The following XPR1 variants were observed in gnomAD, a reference collection of about 807,000 sequenced individuals.
XPR1 encodes xenotropic and polytropic retrovirus receptor 1.
XPR1 carries 28 observed loss-of-function variants against 87.5 expected under a neutral mutation model. The observed-to-expected ratio is 0.32, with a 90% confidence interval of 0.24 to 0.44. The LOEUF (loss-of-function observed/expected upper bound fraction) is 0.44, where lower values mean the gene tolerates loss of function less well. XPR1 is among the 20% of genes least tolerant of loss of function. The probability of loss-of-function intolerance (pLI) is 1.00; values close to 1 mark genes in which losing one functional copy is unlikely to be tolerated. For missense variants in XPR1, 559 were observed against 862.3 expected, an observed-to-expected ratio of 0.65 and a Z score of 4.41; for synonymous variants, 300 against 306.1, an observed-to-expected ratio of 0.98 and a Z score of 0.21.
rs958428231 is a variant in XPR1, at chr1:180,632,098, G to A, written c.-104G>A. ...GGCGGCGGAGGAGGAGAGAAGCGCAGCGCCGCGCCGCGCCGGGGCCCATGT... is the reference window on the plus strand; with the variant it reads ...GGCGGCGGAGGAGGAGAGAAGCGCAACGCCGCGCCGCGCCGGGGCCCATGT... On this transcript the variant is annotated 5_prime_UTR_variant, in exon 1 of 15. Transcript: ENST00000367590. 12 of 1,392,808 alleles carry A rather than the reference G, an allele frequency of 8.6e-6. No homozygotes were observed. Among genetic ancestry groups the A allele is most frequent in the African/African-American group, 5.7e-5 (4 of 69,962 alleles). 86.3% of individuals were successfully genotyped at this position (1,392,808 alleles called of 1,614,324 possible).
chr1:180,815,249 G>A (rs1388562757), intron 7 of XPR1, among the ~76,000 whole-genome samples: 1 of 151,294 alleles, frequency 6.6e-6, no homozygotes, highest in Non-Finnish European at 1.5e-5. Flanking sequence ...CAATTTGAGG[G>A]TTTTTTTGTT....
At chr1:180,804,141 A>G (rs1257444212) in intron 4 of XPR1, among the ~76,000 whole-genome samples, 1 of 151,970 alleles carries the variant, frequency 6.6e-6, no homozygotes, top group Non-Finnish European at 1.5e-5. Flanking sequence ...GCACGCCACC[A>G]TCCCCAGCTA....
intron 3 of XPR1, among the ~76,000 whole-genome samples, chr1:180,800,137 A>G (rs982228225): frequency 1.3e-5 from 2 of 152,210 alleles, no homozygotes; most frequent in East Asian, 1.9e-4. Context: ...TAGTAGGTCT[A>G]TTCCAATTAT....
intron 2 of XPR1, among the ~76,000 whole-genome samples, chr1:180,771,979 G>T (rs77227717): frequency 6.6e-6 from 1 of 152,062 alleles, no homozygotes; most frequent in East Asian, 1.9e-4. Context: ...GATCTTGCTC[G>T]CAAGGGTTAC....
intron 13 of XPR1, among the ~76,000 whole-genome samples, chr1:180,875,566 A>G (rs1462425408): frequency 6.6e-6 from 1 of 152,006 alleles, no homozygotes; most frequent in Non-Finnish European, 1.5e-5. Context: ...AATGTGATAA[A>G]AGAGAAAAAT....
intron 12 of XPR1, among the ~76,000 whole-genome samples, chr1:180,872,790 G>A (rs908293142): frequency 1.3e-5 from 2 of 151,630 alleles, no homozygotes; most frequent in Admixed American, 6.6e-5. Flanking sequence ...CGTCGCTCAC[G>A]CTGGGAGCTG....
At chr1:180,692,100 A>G (rs1284304137) in intron 2 of XPR1, among the ~76,000 whole-genome samples, 2 of 152,192 alleles carry the variant, frequency 1.3e-5, no homozygotes, top group Admixed American at 6.6e-5. Flanking sequence ...TGATGTTTAT[A>G]ATAGGCAGAG....
intron 2 of XPR1, among the ~76,000 whole-genome samples, chr1:180,780,051 C>T (rs757145784): frequency 5.9e-5 from 9 of 152,136 alleles, no homozygotes; most frequent in Admixed American, 5.2e-4. Context: ...GGATATGCTA[C>T]ATTTTGTTTA....
At chr1:180,828,299 T>TA (rs574579291) in intron 9 of XPR1, among the ~76,000 whole-genome samples, 61 of 152,276 alleles carry the variant, frequency 4.0e-4, no homozygotes, top group African/African-American at 1.4e-3. Flanking sequence ...AAAACAAAGC[T>TA]AAAAAAATTT....
At chr1:180,733,470 A>T (rs1658625536) in intron 2 of XPR1, among the ~76,000 whole-genome samples, 1 of 152,216 alleles carries the variant, frequency 6.6e-6, no homozygotes, top group African/African-American at 2.4e-5. Flanking sequence ...TATTTGGTAG[A>T]TACAGAGGGT....
At chr1:180,641,723 A>T (rs1021306152) in intron 1 of XPR1, among the ~76,000 whole-genome samples, 2 of 152,174 alleles carry the variant, frequency 1.3e-5, no homozygotes, top group African/African-American at 4.8e-5. Flanking sequence ...TTTAGAGTTG[A>T]AAGAGACCTT....
At chr1:180,789,945 G>A (rs1416206380) in intron 3 of XPR1, among the ~76,000 whole-genome samples, 2 of 151,866 alleles carry the variant, frequency 1.3e-5, no homozygotes, top group African/African-American at 4.8e-5. Flanking sequence ...GCTTCCTGTG[G>A]GTCCTAATCA....
intron 2 of XPR1, among the ~76,000 whole-genome samples, chr1:180,738,769 AT>A (rs1432442884): frequency 6.6e-6 from 1 of 152,078 alleles, no homozygotes; most frequent in Non-Finnish European, 1.5e-5. Context: ...GTGCTTATAT[AT>A]TCTAGATACA....
At chr1:180,787,199 C>T (rs1238558104) in intron 2 of XPR1, among the ~76,000 whole-genome samples, 1 of 151,870 alleles carries the variant, frequency 6.6e-6, no homozygotes, top group Admixed American at 6.6e-5. Flanking sequence ...TTTTCTCCAA[C>T]ATTGTAAATT....
intron 11 of XPR1, among the ~76,000 whole-genome samples, chr1:180,862,389 G>A (rs1652252012): frequency 6.6e-6 from 1 of 151,924 alleles, no homozygotes; most frequent in Admixed American, 6.6e-5. Context: ...AAACACACCT[G>A]TACTTCCCCC....
Position 180,722,037 on chromosome 1 carries a change from C to T in XPR1, c.121+39626C>T, listed in dbSNP as rs532996034. ...CACCACTTTGAGAGGCTGAGGTTGG[C>T]GAATTGCTTGAGCTCAGGAGTTGAA... On this transcript the variant is annotated intron_variant, in intron 2 of 14. Coordinates refer to ENST00000367590, the MANE Select transcript of XPR1 (RefSeq NM_004736.4). 6.6e-5 allele frequency among the ~76,000 whole-genome samples: 10 copies of T among 151,730 alleles called. No homozygotes were observed. In the East Asian group the frequency reaches 9.7e-4, roughly 15 times the overall value.
At chr1:180,759,881 C>A (rs1246792658) in intron 2 of XPR1, among the ~76,000 whole-genome samples, 1 of 152,176 alleles carries the variant, frequency 6.6e-6, no homozygotes, top group African/African-American at 2.4e-5. Flanking sequence ...TACTGACAAA[C>A]CGAATCCAGC....
Position 180,702,416 on chromosome 1 carries a change from G to A in XPR1, c.121+20005G>A, listed in dbSNP as rs183273104. The stretch of plus-strand genomic sequence containing the variant: ...TGCTGAAAAAAATGTATATTCTGTT[G>A]ATTTGGGGTGGAGAGTTCTGTAGAT... On this transcript the variant is annotated intron_variant, in intron 2 of 14. Transcript: ENST00000367590. Among the ~76,000 whole-genome samples the A allele has an allele frequency of 9.6e-3, 1,453 of 151,320 alleles. 9 individuals are homozygous for A. Among genetic ancestry groups the A allele is most frequent in the African/African-American group, 0.014 (571 of 41,198 alleles).
chr1:180,746,021 C>A (rs1202549733), intron 2 of XPR1, among the ~76,000 whole-genome samples: 1 of 152,170 alleles, frequency 6.6e-6, no homozygotes, highest in African/African-American at 2.4e-5. Flanking sequence ...AGAGGTAAAA[C>A]CAAGGCAGGG....
Sources: allele counts gnomAD v4.1 joint callset (sites outside exome capture counted in the v4.1 genomes callset), GRCh38; gene constraint gnomAD v4.1.1; transcripts MANE v1.5; gene names NCBI Gene and HGNC (gene_info 2026-07-23, HGNC 2026-07-21).